Variants in NAV2 observed in about 807,000 individuals in gnomAD.
NAV2 encodes the protein neuron navigator 2.
In NAV2, 54 loss-of-function variants were observed where a neutral mutation model predicts 223.2. The ratio of observed to expected loss-of-function variants is 0.24; its 90% CI spans 0.19 to 0.30. The LOEUF is 0.30. Among genes scored for constraint, NAV2 ranks in the 10% least tolerant of loss-of-function variants. The pLI, the probability that NAV2 is intolerant of heterozygous loss-of-function variation, is 1.00. For missense variants in NAV2, 2,806 were observed against 3,147.5 expected, an observed-to-expected ratio of 0.89 and a Z score of 2.60; for synonymous variants, 1,279 against 1,239.3, an observed-to-expected ratio of 1.03 and a Z score of -0.67.
At chr11:19,742,674 G>C (rs1385938257) in intron 1 of NAV2, among the ~76,000 whole-genome samples, 2 of 152,164 alleles carry the variant, frequency 1.3e-5, no homozygotes, top group African/African-American at 4.8e-5. Flanking sequence ...TATCAGCTCT[G>C]CCCATCTCTA....
intron 1 of NAV2, among the ~76,000 whole-genome samples, chr11:19,600,719 G>C (rs1287114617): frequency 6.6e-6 from 1 of 152,168 alleles, no homozygotes; most frequent in African/African-American, 2.4e-5. Flanking sequence ...TATTGTTTTT[G>C]AAGATCAAAT....
chr11:20,083,079 G>A lies in NAV2; in HGVS notation c.5398G>A (p.Glu1800Lys). 6.2e-7 allele frequency: 1 copy of A among 1,614,134 alleles called. No individual in the cohort carries two copies. Among genetic ancestry groups the A allele is most frequent in the Non-Finnish European group, 8.5e-7 (1 of 1,179,988 alleles). The change falls in exon 26 of 38, where the codon GAG (glutamate) becomes AAG (lysine). Residue 1800 changes from glutamate (E) to lysine (K), a missense_variant. Transcript: ENST00000349880. ...PKSASSHSDI[E>K]EMTDSSLPSS... is the part of the protein sequence containing the mutation. ...ATCTGCGTCCTCTCATTCAGATATTGAGGAGATGACGGATTCTTCTTTGCC... is the reference window on the plus strand; with the variant it reads ...ATCTGCGTCCTCTCATTCAGATATTAAGGAGATGACGGATTCTTCTTTGCC...
At chr11:19,858,127 A>G (rs1463312825) in intron 3 of NAV2, among the ~76,000 whole-genome samples, 1 of 152,228 alleles carries the variant, frequency 6.6e-6, no homozygotes, top group African/African-American at 2.4e-5. Flanking sequence ...AAGTGCTGGG[A>G]TTAAAGGCGT....
At chr11:19,757,582 C>G (rs192587215) in intron 1 of NAV2, among the ~76,000 whole-genome samples, 1 of 152,112 alleles carries the variant, frequency 6.6e-6, no homozygotes, top group African/African-American at 2.4e-5. Flanking sequence ...TCCTCTTTAT[C>G]GTAAGATTCA....
At chr11:20,062,845 C>G (rs56248395) in intron 20 of NAV2, among the ~76,000 whole-genome samples, 10 of 152,084 alleles carry the variant, frequency 6.6e-5, no homozygotes, top group Non-Finnish European at 1.3e-4. Flanking sequence ...TAGGCATGTG[C>G]CACCACGCCC....
chr11:19,656,459 A>AG (rs1372473053), intron 1 of NAV2, among the ~76,000 whole-genome samples: 3 of 152,192 alleles, frequency 2.0e-5, no homozygotes, highest in African/African-American at 4.8e-5. Context: ...GCCGTGAGTG[A>AG]GGGGGGAGAG....
chr11:19,555,448 G>GC (rs988798443), intron 1 of NAV2, among the ~76,000 whole-genome samples: 9 of 152,080 alleles, frequency 5.9e-5, no homozygotes, highest in African/African-American at 2.2e-4. Context: ...CCCAGACCTG[G>GC]GGGGGGCTCT....
intron 1 of NAV2, among the ~76,000 whole-genome samples, chr11:19,792,432 A>G (rs372273998): frequency 6.6e-6 from 1 of 152,078 alleles, no homozygotes; most frequent in Non-Finnish European, 1.5e-5. Context: ...AGGGGAGAGC[A>G]CTCTTGGTAA....
At chr11:19,781,592 C>G (rs924610280) in intron 1 of NAV2, among the ~76,000 whole-genome samples, 2 of 152,144 alleles carry the variant, frequency 1.3e-5, no homozygotes, top group South Asian at 4.1e-4. Flanking sequence ...CCCCCTGGGC[C>G]TGTCCACAGC....
chr11:20,053,992 C>T, intron 17 of NAV2, 88 bp from the exon 18 acceptor site: 2 of 1,323,374 alleles, frequency 1.5e-6, no homozygotes, highest in South Asian at 1.4e-5. Context: ...TATATGTTTT[C>T]TTTTTATATA....
chr11:19,556,668 C>T (rs777988483), intron 1 of NAV2, among the ~76,000 whole-genome samples: 10 of 152,148 alleles, frequency 6.6e-5, no homozygotes, highest in Admixed American at 1.3e-4. Flanking sequence ...CCTTAAGTAA[C>T]ACGATCTAGC....
intron 1 of NAV2, among the ~76,000 whole-genome samples, chr11:19,641,325 C>A (rs900268930): frequency 5.1e-4 from 78 of 152,120 alleles, no homozygotes; most frequent in Non-Finnish European, 1.2e-4. Flanking sequence ...TGTCTGCCTA[C>A]GAAATAAGTC....
chr11:19,391,013 G>A (rs1849226392), intron 1 of NAV2, among the ~76,000 whole-genome samples: 2 of 152,166 alleles, frequency 1.3e-5, no homozygotes, highest in African/African-American at 2.4e-5. Flanking sequence ...GAATGAAGAA[G>A]CTGAGAGGCA....
intron 10 of NAV2, among the ~76,000 whole-genome samples, chr11:19,980,307 G>C (rs558288599): frequency 6.6e-6 from 1 of 152,336 alleles, no homozygotes; most frequent in South Asian, 2.1e-4. Flanking sequence ...AGATGGTTCA[G>C]TAGCTTAGCA....
At chr11:19,714,932 CG>C (rs2050179809) in intron 1 of NAV2, among the ~76,000 whole-genome samples, 1 of 152,148 alleles carries the variant, frequency 6.6e-6, no homozygotes, top group East Asian at 1.9e-4. Context: ...GCCGACCTGA[CG>C]GATGTGACTG....
chr11:19,913,181 A>T (rs1283838409), intron 6 of NAV2, among the ~76,000 whole-genome samples: 1 of 152,236 alleles, frequency 6.6e-6, no homozygotes, highest in African/African-American at 2.4e-5. Flanking sequence ...AAAAATAATT[A>T]GGGTACCTAA....
At chr11:19,348,199 C>T (rs554814796), upstream of NAV2, among the ~76,000 whole-genome samples, 1 of 152,340 alleles carries the variant, frequency 6.6e-6, no homozygotes, top group East Asian at 1.9e-4. Flanking sequence ...CGGGAGGGAG[C>T]TCCAGCACAG....
intron 7 of NAV2, among the ~76,000 whole-genome samples, chr11:19,935,290 C>T (rs1336945447): frequency 6.6e-6 from 1 of 152,200 alleles, no homozygotes; most frequent in Admixed American, 6.5e-5. Flanking sequence ...ACATTCTAGA[C>T]ACGTATTTTA....
chr11:19,649,413 G>A (rs901750048), intron 1 of NAV2, among the ~76,000 whole-genome samples: 11 of 152,204 alleles, frequency 7.2e-5, no homozygotes, highest in African/African-American at 2.4e-4. Flanking sequence ...AGAATACCTA[G>A]ACTGAATGGC....
Sources: gnomAD v4.1 joint callset for allele counts (sites outside exome capture counted in the v4.1 genomes callset) on GRCh38, gnomAD v4.1.1 for gene constraint, MANE v1.5 for transcripts, NCBI Gene and HGNC (gene_info 2026-07-23, HGNC 2026-07-21) for gene names.